The following SEC16B variants were observed in gnomAD, a reference collection of about 807,000 sequenced individuals.
SEC16B encodes the protein protein transport protein Sec16B.
Under a neutral mutation model 141.8 loss-of-function variants are expected in SEC16B, and 115 were observed. The observed-to-expected ratio is 0.81, with a 90% CI of 0.70 to 0.95. The LOEUF (loss-of-function observed/expected upper bound fraction) is 0.95. Among genes scored for constraint, SEC16B ranks in the 40% least tolerant of loss-of-function variants. SEC16B has a pLI of 0.00. For synonymous variants in SEC16B, 493 were observed against 492.5 expected, an observed-to-expected ratio of 1.00 and a Z score of -0.01; for missense variants, 1,291 against 1,312.3, an observed-to-expected ratio of 0.98 and a Z score of 0.25.
At chr1:177,960,100 A>G (rs1428587318) in intron 8 of SEC16B, 3 of 521,208 alleles carry the variant, frequency 5.8e-6, no homozygotes, top group Non-Finnish European at 1.0e-5. Flanking sequence ...GCATAATGGA[A>G]CTGGTTTTAG....
intron 4 of SEC16B, among the ~76,000 whole-genome samples, chr1:177,964,822 C>A (rs560046446): frequency 6.6e-6 from 1 of 152,204 alleles, no homozygotes; most frequent in Non-Finnish European, 1.5e-5. Flanking sequence ...GACTCAGACT[C>A]GCCCAGCTTT....
chr1:177,950,479 C>T (rs969969333), intron 12 of SEC16B, among the ~76,000 whole-genome samples: 1 of 152,072 alleles, frequency 6.6e-6, no homozygotes, highest in Non-Finnish European at 1.5e-5. Flanking sequence ...GAAGAGTCAA[C>T]TCCTTTAAAG....
At chr1:177,960,680 A>G (rs1652988415) in intron 7 of SEC16B, 111 bp downstream of exon 7, 2 of 1,224,748 alleles carry the variant, frequency 1.6e-6, no homozygotes, top group African/African-American at 1.5e-5. Context: ...CCGCAAGAGC[A>G]TCCCATTCCT....
At chr1:177,969,673 G>C (rs902048633) in intron 1 of SEC16B, among the ~76,000 whole-genome samples, 4 of 152,116 alleles carry the variant, frequency 2.6e-5, no homozygotes, top group Non-Finnish European at 5.9e-5. Flanking sequence ...ATCAACTCCA[G>C]CAAATCAGTC....
chr1:177,958,205 A>G lies in SEC16B; in HGVS notation c.1292T>C (p.Ile431Thr). The G allele has an allele frequency of 1.3e-6, 2 of 1,596,856 alleles. No individual in the cohort carries two copies. The highest frequency in any genetic ancestry group is 1.7e-6 in the Non-Finnish European group (2 of 1,171,340). ...SGTPNLLTGE[I>T]PPSVETPAQI... ...CGCAGGTGTCTCCACACTGGGGGGG[A>G]TCTCTCCCGTGAGCAGGTTCGGGGT... The change falls in exon 10 of 26, where the codon ATC becomes ACC. Residue 431 changes from isoleucine (I) to threonine (T), a missense_variant. Physicochemically the swap from Ile to Thr is moderately conservative, Grantham distance 89 (BLOSUM62 -1). Around this residue, in one of 3 missense-constraint regions of SEC16B, gnomAD observed 681 missense variants for 675.5 expected, o/e 1.01. Coordinates refer to ENST00000308284, the MANE Select transcript of SEC16B (RefSeq NM_033127.4).
Position 177,964,218 on chromosome 1 carries a change from C to G in SEC16B, c.595G>C (p.Gly199Arg), listed in dbSNP as rs761551511. ...AGCAGGCTCCCTGGAAACAGCTCCC[C>G]CGGCCACTCCTGTCCAGAGTTGGAA... ...PASNSGQEWP[G>R]ELFPGSLLAE... Residue 199 changes from glycine (G) to arginine (R), a missense_variant, in exon 5 of 26, where the codon GGG becomes CGG. Gly to Arg is a moderately radical substitution (Grantham distance 125, BLOSUM62 -2). Around this residue, in one of 3 missense-constraint regions of SEC16B, gnomAD observed 681 missense variants for 675.5 expected, o/e 1.01. Transcript: ENST00000308284. 2 of 1,613,608 alleles carry G rather than the reference C, an allele frequency of 1.2e-6. No individual in the cohort carries two copies.
chr1:177,933,325 G>A lies in SEC16B; in HGVS notation c.2725-13C>T, dbSNP rs1305550664. 1 of 1,590,000 alleles carries A rather than the reference G, an allele frequency of 6.3e-7. No homozygotes were observed. Among genetic ancestry groups the A allele is most frequent in the East Asian group, 2.3e-5 (1 of 43,736 alleles). On this transcript the variant is annotated splice_polypyrimidine_tract_variant and intron_variant, in intron 21 of 25. Coordinates refer to ENST00000308284, the MANE Select transcript of SEC16B (RefSeq NM_033127.4). ...CAAACCCTGAGCTCTGGAAGGGGAA[G>A]AGGACATTTTATGACCTGCAGGTTG...
rs2101918354 is a variant in SEC16B, at chr1:177,940,524, TC to T, written c.2127+85del. 5 of 911,672 alleles carry T rather than the reference TC, an allele frequency of 5.5e-6. 1 individual carries two copies. In the South Asian group the frequency reaches 7.1e-5, roughly 13 times the overall value. 56.5% of individuals were successfully genotyped at this position (911,672 alleles called of 1,614,324 possible). A position where few individuals can be genotyped will look rare whatever the true frequency, so the allele number is the denominator to read the frequency against. On this transcript the variant is annotated intron_variant, in intron 17 of 25. Transcript: ENST00000308284. ...CATGGGGACCAGGGACTTGCTAATG[TC>T]AGTGCCTACCTGTTCCATGTCTAGG...
intron 10 of SEC16B, among the ~76,000 whole-genome samples, 163 bp from the exon 11 acceptor site, chr1:177,954,539 G>C (rs1265698077): frequency 1.6e-4 from 25 of 152,172 alleles, no homozygotes; most frequent in Non-Finnish European, 8.8e-5. Context: ...ACTGTAGCTA[G>C]CACAGTATTT....
At chr1:177,932,853 A>ATTGG (rs1436224166) in intron 22 of SEC16B, 47 bp from the exon 23 acceptor site, 3 of 1,530,720 alleles carry the variant, frequency 2.0e-6, no homozygotes, top group Non-Finnish European at 2.7e-6. Flanking sequence ...TTGGCAGTTA[A>ATTGG]CAAATTGATG....
chr1:177,960,256 A>G lies in SEC16B; in HGVS notation c.998+86T>C, dbSNP rs566602812. The G allele has an allele frequency of 2.3e-3, 2,080 of 898,892 alleles. 7 individuals carry two copies. Among genetic ancestry groups the G allele is most frequent in the Non-Finnish European group, 3.1e-3 (1,743 of 557,582 alleles). 55.7% of individuals were successfully genotyped at this position (898,892 alleles called of 1,614,324 possible). On this transcript the variant is annotated intron_variant, in intron 8 of 25. Coordinates refer to ENST00000308284, the MANE Select transcript of SEC16B (RefSeq NM_033127.4). ...CAGATATTTTTTTCCAAGGAAACCA[A>G]GAACAAATCTCCAAAATGCTGATCT...
chr1:177,954,995 G>T (rs1390580838), intron 10 of SEC16B, among the ~76,000 whole-genome samples: 1 of 151,926 alleles, frequency 6.6e-6, no homozygotes, highest in Non-Finnish European at 1.5e-5. Flanking sequence ...AGTAGAAAAA[G>T]CCTTTCTAAA....
chr1:177,930,504 C>T (rs1024760366), intron 25 of SEC16B, 41 bp downstream of exon 25: 1 of 1,428,868 alleles, frequency 7.0e-7, no homozygotes, highest in African/African-American at 1.4e-5. Context: ...AATCCAAAAC[C>T]TGTACTCCTG....
chr1:177,959,684 G>A (rs562823981), intron 8 of SEC16B: 29 of 154,468 alleles, frequency 1.9e-4, no homozygotes, highest in African/African-American at 6.7e-4. Context: ...GGTAGGGAGA[G>A]CAGGTGTTAT....
chr1:177,947,760 A>ACAGGGAGGGGAGGTGAGGGGAGGGG (rs1651833396), intron 13 of SEC16B, 65 bp downstream of exon 13: 1 of 761,848 alleles, frequency 1.3e-6, no homozygotes, highest in Non-Finnish European at 2.1e-6. Context: ...GAGGAAAGGG[A>ACAGGGAGGGGAGGTGAGGGGAGGGG]CAGGGAGGGG....
At chr1:177,930,069 C>CA (rs1231898307) in intron 25 of SEC16B, 140 bp from the exon 26 acceptor site, 1 of 757,288 alleles carries the variant, frequency 1.3e-6, no homozygotes, top group African/African-American at 1.8e-5. Flanking sequence ...TGCGTACCTC[C>CA]ACCCAACCCT....
At chr1:177,969,614 C>G (rs1344717221) in intron 1 of SEC16B, among the ~76,000 whole-genome samples, 1 of 152,218 alleles carries the variant, frequency 6.6e-6, no homozygotes, top group African/African-American at 2.4e-5. Context: ...TGCAAAGGTG[C>G]AACACCCAAT....
intron 13 of SEC16B, among the ~76,000 whole-genome samples, chr1:177,946,908 C>T (rs1313174523): frequency 6.6e-6 from 1 of 152,172 alleles, no homozygotes; most frequent in Non-Finnish European, 1.5e-5. Flanking sequence ...TTAAACTAGG[C>T]TTCCTGAGGC....
chr1:177,958,900 C>T lies in SEC16B; in HGVS notation c.1074G>A (p.Leu358=). The T allele has an allele frequency of 6.2e-7, 1 of 1,613,796 alleles. No individual in the cohort carries two copies. The highest frequency in any genetic ancestry group is 8.5e-7 in the Non-Finnish European group (1 of 1,179,780). ...ACAGTAGAGCTGAGTCTCTGCTCCC[C>T]AGTGTCTCAGATTTGCAGCTCTGAG... ...KAAQSCKSET[L]GSRDSALLWQ... is the part of the protein sequence containing the mutation. The change falls in exon 9 of 26, where the codon CTG becomes CTA. Residue 358 remains leucine (L), a synonymous_variant. Transcript: ENST00000308284.
Sources: gnomAD v4.1 joint callset for allele counts (sites outside exome capture counted in the v4.1 genomes callset) on GRCh38, gnomAD v4.1.1 for gene constraint, gnomAD v4.1.1 regional missense constraint, MANE v1.5 for transcripts, NCBI Gene and HGNC (gene_info 2026-07-23, HGNC 2026-07-21) for gene names.